NUDT5: variants seen among roughly 807,000 people sequenced by gnomAD.
The protein encoded by NUDT5 is nudix hydrolase 5, also known as ADP-sugar pyrophosphatase.
NUDT5 carries 21 observed loss-of-function variants against 34.1 expected under a neutral mutation model. The observed-to-expected ratio is 0.62, with a 90% CI of 0.44 to 0.89. NUDT5 has a LOEUF of 0.89. NUDT5 is among the 40% of genes least tolerant of loss of function. NUDT5 has a pLI of 0.00. For synonymous variants in NUDT5, 85 were observed against 97.6 expected (o/e 0.87, Z 0.76); for missense variants, 249 against 274.8 (o/e 0.91, Z 0.66).
At chr10:12,178,638 G>A (rs1834993109) in intron 4 of NUDT5, among the ~76,000 whole-genome samples, 1 of 152,244 alleles carries the variant, frequency 6.6e-6, no homozygotes, top group Non-Finnish European at 1.5e-5. Flanking sequence ...TTCATGCCTG[G>A]AGGGGAGGGT....
intron 1 of NUDT5, among the ~76,000 whole-genome samples, chr10:12,190,506 T>G (rs932679162): frequency 1.3e-5 from 2 of 152,000 alleles, no homozygotes; most frequent in Non-Finnish European, 2.9e-5. Flanking sequence ...AGCAAGCACA[T>G]CTGGGGCAAA....
rs540925500 is a variant in NUDT5, at chr10:12,169,021, C to T, written c.551-1210G>A. Among the ~76,000 whole-genome samples the T allele has an allele frequency of 1.8e-4, 27 of 152,148 alleles. No homozygotes were observed. Among genetic ancestry groups the T allele is most frequent in the Non-Finnish European group, 2.9e-4 (20 of 68,028 alleles). The stretch of plus-strand genomic sequence containing the variant: ...CAAGTGATCAGCCTACCTCGGCCTC[C>T]CAAAGTGCTGGGATTACAGGCGTGA... On this transcript the variant is annotated intron_variant, in intron 9 of 9. Coordinates refer to ENST00000491614, the MANE Select transcript of NUDT5 (RefSeq NM_014142.4). The surrounding 1 kb of genome is among the most constrained non-coding windows in gnomAD (Gnocchi z 4.8).
intron 1 of NUDT5, among the ~76,000 whole-genome samples, chr10:12,192,346 G>A (rs545331446): frequency 6.6e-6 from 1 of 151,914 alleles, no homozygotes; most frequent in African/African-American, 2.4e-5. Flanking sequence ...AAGTGGGAGA[G>A]AGGATCAATT....
chr10:12,172,954 A>G (rs1040241504), intron 6 of NUDT5, 88 bp from the exon 7 acceptor site: 5 of 942,730 alleles, frequency 5.3e-6, no homozygotes, highest in Non-Finnish European at 6.7e-6. Context: ...CCCGCAGCTC[A>G]GCATTGACGT....
chr10:12,186,688 C>T (rs530001151), intron 1 of NUDT5, among the ~76,000 whole-genome samples: 3 of 150,546 alleles, frequency 2.0e-5, no homozygotes, highest in East Asian at 3.9e-4. Flanking sequence ...AGTGCAATGG[C>T]GCGATCTCAG....
At chr10:12,180,587 A>T (rs1009661839) in intron 3 of NUDT5, 7 of 152,226 alleles carry the variant, frequency 4.6e-5, no homozygotes, top group Admixed American at 2.0e-4. Context: ...ATAAAACAGA[A>T]ACGCATTGAT....
At chr10:12,185,659 T>C (rs1835114682) in intron 2 of NUDT5, among the ~76,000 whole-genome samples, 1 of 152,248 alleles carries the variant, frequency 6.6e-6, no homozygotes, top group African/African-American at 2.4e-5. Flanking sequence ...TCAGCAGATC[T>C]GTTCACAGAC....
chr10:12,170,193 T>C lies in NUDT5; in HGVS notation c.550+524A>G, dbSNP rs776557825. ...GTGGCCAAGAATTATACAATGCATCTACATGACCAGTGATTTCTAAGGGCC... is the reference window on the plus strand; with the variant it reads ...GTGGCCAAGAATTATACAATGCATCCACATGACCAGTGATTTCTAAGGGCC... On this transcript the variant is annotated intron_variant, in intron 9 of 9. Transcript: ENST00000491614. The surrounding 1 kb of genome is among the most constrained non-coding windows in gnomAD (Gnocchi z 4.9). 48 of 1,612,028 alleles carry C rather than the reference T, an allele frequency of 3.0e-5. No individual in the cohort carries two copies. Among genetic ancestry groups the C allele is most frequent in the Non-Finnish European group, 3.8e-5 (45 of 1,179,212 alleles).
chr10:12,174,882 C>T (rs1406417780), intron 5 of NUDT5, among the ~76,000 whole-genome samples: 1 of 151,666 alleles, frequency 6.6e-6, no homozygotes, highest in Non-Finnish European at 1.5e-5. Context: ...CATAGTAAAA[C>T]ACCGAGGCCT....
chr10:12,171,524 C>T lies in NUDT5; in HGVS notation c.488-616G>A, dbSNP rs553292023. 1.1e-4 allele frequency among the ~76,000 whole-genome samples: 17 copies of T among 152,160 alleles called. No individual in the cohort carries two copies. The highest frequency in any genetic ancestry group is 2.4e-4 in the Non-Finnish European group (16 of 68,032). On this transcript the variant is annotated intron_variant, in intron 7 of 9. Coordinates refer to ENST00000491614, the MANE Select transcript of NUDT5 (RefSeq NM_014142.4). This position sits in a 1 kb window ranked among gnomAD's most constrained non-coding sequence, Gnocchi z 4.2. ...GTTTCCACAGAGGCGGCCATGAACA[C>T]AGGCACGCAAGTATATGAGTCCCTG... is the stretch of plus-strand genomic sequence containing the variant.
In NUDT5 at chr10:12,173,714, C is replaced by T. The variant is rs776569118; in HGVS notation, c.385+4G>A. 1.2e-6 allele frequency: 2 copies of T among 1,609,956 alleles called. No homozygotes were observed. Among genetic ancestry groups the T allele is most frequent in the South Asian group, 2.2e-5 (2 of 90,980 alleles). ...CACTTGGTGAATTTTCAAGCAATACCAACCTGGAGAACATTCGGCAATGTC... is the reference window on the plus strand; with the variant it reads ...CACTTGGTGAATTTTCAAGCAATACTAACCTGGAGAACATTCGGCAATGTC... On this transcript the variant is annotated splice_donor_region_variant and intron_variant, in intron 6 of 9. Coordinates refer to ENST00000491614, the MANE Select transcript of NUDT5 (RefSeq NM_014142.4). The surrounding 1 kb of genome is among the most constrained non-coding windows in gnomAD (Gnocchi z 4.7).
chr10:12,183,248 G>C (rs1460888849), intron 3 of NUDT5, among the ~76,000 whole-genome samples: 1 of 152,114 alleles, frequency 6.6e-6, no homozygotes, highest in African/African-American at 2.4e-5. Context: ...TACTTATTTT[G>C]TACATTTAGT....
rs145605213 is a variant in NUDT5, at chr10:12,168,865, C to G, written c.551-1054G>C. 6.6e-6 allele frequency among the ~76,000 whole-genome samples: 1 copy of G among 152,184 alleles called. No individual in the cohort carries two copies. Among genetic ancestry groups the G allele is most frequent in the East Asian group, 1.9e-4 (1 of 5,170 alleles). On this transcript the variant is annotated intron_variant, in intron 9 of 9. Transcript: ENST00000491614. The surrounding 1 kb of genome is among the most constrained non-coding windows in gnomAD (Gnocchi z 4.8). ...GCAACCTGCGCCTCCCGGGTTCAAG[C>G]GATTCTCCTGCCCCAGCCTCCTGAG...
chr10:12,172,029 A>G (rs186374819), intron 7 of NUDT5, among the ~76,000 whole-genome samples: 1 of 152,110 alleles, frequency 6.6e-6, no homozygotes, highest in African/African-American at 2.4e-5. Context: ...CCGGCAAAAA[A>G]TAAGACTTAA....
intron 3 of NUDT5, 81 bp downstream of exon 3, chr10:12,184,808 A>C (rs1375983750): frequency 2.4e-6 from 2 of 826,534 alleles, no homozygotes; most frequent in African/African-American, 3.4e-5. Flanking sequence ...AAAAGAAAAC[A>C]TCAAAGTTTA....
chr10:12,188,782 TC>T (rs904326843), intron 1 of NUDT5, among the ~76,000 whole-genome samples: 4 of 136,202 alleles, frequency 2.9e-5, no homozygotes, highest in Non-Finnish European at 6.3e-5. Flanking sequence ...AGACCCTCAC[TC>T]CCCCGGACCT....
chr10:12,170,417 G>A lies in NUDT5; in HGVS notation c.550+300C>T. 2 of 613,068 alleles carry A rather than the reference G, an allele frequency of 3.3e-6. No homozygotes were observed. The highest frequency in any genetic ancestry group is 2.0e-5 in the South Asian group (1 of 49,728). The allele number at this position is 613,068 out of a possible 1,614,324, so 38.0% of individuals were successfully genotyped here. On this transcript the variant is annotated intron_variant, in intron 9 of 9. Transcript: ENST00000491614. This position sits in a 1 kb window ranked among gnomAD's most constrained non-coding sequence, Gnocchi z 4.9. ...ACCTTTGCATTGCTATGGACTGAAG[G>A]TTTAAAGTGTAGAATCGTTTTGGCT...
At chr10:12,183,103 G>A (rs920653212) in intron 3 of NUDT5, among the ~76,000 whole-genome samples, 16 of 152,200 alleles carry the variant, frequency 1.1e-4, no homozygotes, top group African/African-American at 3.9e-4. Flanking sequence ...AATTTGACAG[G>A]CAAAAGAGAA....
intron 5 of NUDT5, among the ~76,000 whole-genome samples, chr10:12,174,432 A>G (rs901326748): frequency 2.5e-4 from 38 of 151,974 alleles, no homozygotes; most frequent in Middle Eastern, 3.4e-3. Context: ...ATGCTCGGCT[A>G]ATTTTTGTAT....
Sources: allele counts gnomAD v4.1 joint callset (sites outside exome capture counted in the v4.1 genomes callset), GRCh38; gene constraint gnomAD v4.1.1; non-coding constraint Gnocchi (gnomAD v3.1); transcripts MANE v1.5; gene names NCBI Gene and HGNC (gene_info 2026-07-23, HGNC 2026-07-21).